The following AGAP1 variants were observed in gnomAD, a reference collection of about 807,000 sequenced individuals.
AGAP1 encodes arf-GAP with GTPase, ANK repeat and PH domain-containing protein 1.
In AGAP1, 29 loss-of-function variants were observed where a neutral mutation model predicts 105.3. That is an observed-to-expected ratio of 0.28 (90% confidence interval 0.21 to 0.38). The LOEUF is 0.38. Among genes scored for constraint, AGAP1 ranks in the 10% least tolerant of loss-of-function variants. The pLI is 1.00. For synonymous variants in AGAP1, 509 were observed against 485.9 expected, an observed-to-expected ratio of 1.05 and a Z score of -0.63; for missense variants, 998 against 1,165.1, an observed-to-expected ratio of 0.86 and a Z score of 2.09.
Position 236,027,413 on chromosome 2 carries a change from G to A in AGAP1, c.1646-9148G>A, listed in dbSNP as rs189320962. On this transcript the variant is annotated intron_variant, in intron 13 of 17. Transcript: ENST00000304032. The surrounding 1 kb of genome is among the most constrained non-coding windows in gnomAD (Gnocchi z 4.4). ...AGGTCCAGCTGCTCGGACCCTTGTC[G>A]TAAATTTCAGGGCCTGAAAATCCAA... 2.6e-5 allele frequency among the ~76,000 whole-genome samples: 4 copies of A among 152,200 alleles called. No individual in the cohort carries two copies. Among genetic ancestry groups the A allele is most frequent in the African/African-American group, 9.6e-5 (4 of 41,526 alleles).
At position 236,120,480 on chromosome 2, in the gene AGAP1, G is replaced by A. The variant is rs2125976929; in HGVS notation, c.2370+33G>A. The A allele has an allele frequency of 1.2e-6, 2 of 1,609,062 alleles. No homozygotes were observed. The highest frequency in any genetic ancestry group is 1.1e-5 in the South Asian group (1 of 90,640). On this transcript the variant is annotated intron_variant, in intron 17 of 17. Transcript: ENST00000304032. The surrounding 1 kb of genome is among the most constrained non-coding windows in gnomAD (Gnocchi z 6.0). ...GTCGGCACGCCTGGCAGAGGACGGG[G>A]CCACAGGAGGCACTCTCTGCTTTGT...
At chr2:235,658,950 T>G (rs1947861457) in intron 1 of AGAP1, among the ~76,000 whole-genome samples, 1 of 152,338 alleles carries the variant, frequency 6.6e-6, no homozygotes, top group Non-Finnish European at 1.5e-5. Context: ...CTTTTCTCTC[T>G]GCCCTCCCTC....
chr2:235,583,092 C>T (rs1386693134), intron 1 of AGAP1, among the ~76,000 whole-genome samples: 2 of 152,214 alleles, frequency 1.3e-5, no homozygotes, highest in Non-Finnish European at 2.9e-5. Flanking sequence ...AGGGAAAAGC[C>T]AGAAGCCAGG....
chr2:235,521,738 ATATATGTGTGTGTGTGTGTG>A (rs1332883297), intron 1 of AGAP1, among the ~76,000 whole-genome samples: 2 of 116,680 alleles, frequency 1.7e-5, no homozygotes, highest in Non-Finnish European at 3.3e-5. Flanking sequence ...TGTTTGTTAT[ATATATGTGTGTGTGTGTGTG>A]TGTGTGTGTG....
chr2:235,727,479 GGTAA>G (rs1329528489), intron 3 of AGAP1, among the ~76,000 whole-genome samples: 3 of 152,176 alleles, frequency 2.0e-5, no homozygotes, highest in African/African-American at 4.8e-5. Flanking sequence ...AGCTACCTCT[GGTAA>G]GTGTCTCCTT....
In AGAP1 at chr2:236,125,104, T is replaced by G. The variant is rs982008636; in HGVS notation, c.*982T>G. 2.4e-5 allele frequency: 4 copies of G among 164,610 alleles called. No homozygotes were observed. The highest frequency in any genetic ancestry group is 9.6e-5 in the African/African-American group (4 of 41,470). The allele number at this position is 164,610 out of a possible 1,614,324, so 10.2% of individuals were successfully genotyped here. A position where few individuals can be genotyped will look rare whatever the true frequency, so the allele number is the denominator to read the frequency against. Reference sequence around the variant, plus strand: ...TACACAAAAGGCTGTTTTTTCCGACTGTAAGAGATATTTGATGTCCTTTTG... The same window carrying G: ...TACACAAAAGGCTGTTTTTTCCGACGGTAAGAGATATTTGATGTCCTTTTG... On this transcript the variant is annotated 3_prime_UTR_variant, in exon 18 of 18. Transcript: ENST00000304032. The surrounding 1 kb of genome is among the most constrained non-coding windows in gnomAD (Gnocchi z 5.2).
At chr2:235,772,335 C>A (rs1422990132) in intron 6 of AGAP1, among the ~76,000 whole-genome samples, 1 of 152,188 alleles carries the variant, frequency 6.6e-6, no homozygotes, top group African/African-American at 2.4e-5. Context: ...ACAAGCAGAG[C>A]TGATGCTTTA....
At chr2:235,760,030 A>G (rs560674429) in intron 6 of AGAP1, among the ~76,000 whole-genome samples, 1 of 152,310 alleles carries the variant, frequency 6.6e-6, no homozygotes, top group South Asian at 2.1e-4. Context: ...CTGATGAGAG[A>G]AGCTTCTGGC....
chr2:235,575,302 A>C (rs932196343), intron 1 of AGAP1, among the ~76,000 whole-genome samples: 5 of 152,242 alleles, frequency 3.3e-5, no homozygotes, highest in Non-Finnish European at 7.3e-5. Flanking sequence ...TATATGTTTT[A>C]ATGTGTATTA....
rs7598567 is a variant in AGAP1, at chr2:236,012,029, A to T, written c.1646-24532A>T. On this transcript the variant is annotated intron_variant, in intron 13 of 17. Transcript: ENST00000304032. The surrounding 1 kb of genome is among the most constrained non-coding windows in gnomAD (Gnocchi z 4.9). Reference sequence around the variant, plus strand: ...CTTCTAAACAAGGGAACTTAGAGCAATCAATGCCCCCGGAGACCGATGCAC... The same window carrying T: ...CTTCTAAACAAGGGAACTTAGAGCATTCAATGCCCCCGGAGACCGATGCAC... Among the ~76,000 whole-genome samples, 1 of 152,008 alleles carries T rather than the reference A, an allele frequency of 6.6e-6. No individual in the cohort carries two copies. Among genetic ancestry groups the T allele is most frequent in the Non-Finnish European group, 1.5e-5 (1 of 68,002 alleles).
In AGAP1 at chr2:235,971,472, G is replaced by A. The variant is rs1441654742; in HGVS notation, c.1645+2849G>A. Among the ~76,000 whole-genome samples, 3 of 152,096 alleles carry A rather than the reference G, an allele frequency of 2.0e-5. No homozygotes were observed. Among genetic ancestry groups the A allele is most frequent in the Non-Finnish European group, 4.4e-5 (3 of 68,014 alleles). ...TCCCAGCACTTTGGGAGGCTGAGGC[G>A]GGCGGATCACGAGGTCAGGAGATCG... On this transcript the variant is annotated intron_variant, in intron 13 of 17. Coordinates refer to ENST00000304032, the MANE Select transcript of AGAP1 (RefSeq NM_001037131.3). The surrounding 1 kb of genome is among the most constrained non-coding windows in gnomAD (Gnocchi z 4.8).
chr2:235,930,999 G>T lies in AGAP1; in HGVS notation c.1483+76G>T. The T allele has an allele frequency of 2.0e-6, 3 of 1,517,784 alleles. No homozygotes were observed. Among genetic ancestry groups the T allele is most frequent in the South Asian group, 2.6e-5 (2 of 78,412 alleles). The allele number at this position is 1,517,784 out of a possible 1,614,324, so 94.0% of individuals were successfully genotyped here. A position where few individuals can be genotyped will look rare whatever the true frequency, so the allele number is the denominator to read the frequency against. ...TTGTAAGCCAGGGGCTGGACAGGAC[G>T]CCCTAAGCTCTCATGCTCCTCTGGG... On this transcript the variant is annotated intron_variant, in intron 12 of 17. Coordinates refer to ENST00000304032, the MANE Select transcript of AGAP1 (RefSeq NM_001037131.3). This position sits in a 1 kb window ranked among gnomAD's most constrained non-coding sequence, Gnocchi z 7.9.
chr2:235,925,280 T>A (rs189958926), intron 11 of AGAP1, among the ~76,000 whole-genome samples: 1 of 152,256 alleles, frequency 6.6e-6, no homozygotes, highest in East Asian at 1.9e-4. Context: ...TCTAGGGAAA[T>A]ACAGACATGC....
intron 11 of AGAP1, among the ~76,000 whole-genome samples, chr2:235,924,388 C>T (rs1203593524): frequency 2.0e-5 from 3 of 152,124 alleles, no homozygotes; most frequent in South Asian, 2.1e-4. Flanking sequence ...CTGCTGTATA[C>T]CTTCTACTAG....
intron 9 of AGAP1, among the ~76,000 whole-genome samples, chr2:235,837,344 G>A (rs1219101617): frequency 6.6e-6 from 1 of 152,168 alleles, no homozygotes. Context: ...TTACATTAAA[G>A]TAATACTGAG....
chr2:235,738,030 A>C (rs567020467), intron 3 of AGAP1, among the ~76,000 whole-genome samples: 5 of 152,170 alleles, frequency 3.3e-5, no homozygotes, highest in Middle Eastern at 3.4e-3. Context: ...ACAGAGGAGC[A>C]CATGTGGGGC....
chr2:235,633,179 A>T lies in AGAP1; in HGVS notation c.164-76000A>T, dbSNP rs529773423. Among the ~76,000 whole-genome samples, 2 of 152,186 alleles carry T rather than the reference A, an allele frequency of 1.3e-5. No homozygotes were observed. Among genetic ancestry groups the T allele is most frequent in the Admixed American group, 1.3e-4 (2 of 15,282 alleles). ...GAGAAAAGCATTATACATTTACTTG[A>T]TCCTGGTTTTACGGCATGCGGGAGC... On this transcript the variant is annotated intron_variant, in intron 1 of 17. Transcript: ENST00000304032. This position sits in a 1 kb window ranked among gnomAD's most constrained non-coding sequence, Gnocchi z 4.8.
chr2:236,087,476 C>T lies in AGAP1; in HGVS notation c.2115-32716C>T, dbSNP rs1347633491. Reference sequence around the variant, plus strand: ...CTACCACACCATCTTCCCGAGAGAGCCTGTGCCCGCCCCACAGTCCCGGCT... The same window carrying T: ...CTACCACACCATCTTCCCGAGAGAGTCTGTGCCCGCCCCACAGTCCCGGCT... On this transcript the variant is annotated intron_variant, in intron 16 of 17. Transcript: ENST00000304032. This position sits in a 1 kb window ranked among gnomAD's most constrained non-coding sequence, Gnocchi z 5.7. Among the ~76,000 whole-genome samples the T allele has an allele frequency of 2.0e-5, 3 of 152,190 alleles. No homozygotes were observed. Among genetic ancestry groups the T allele is most frequent in the African/African-American group, 7.2e-5 (3 of 41,440 alleles).
Position 235,740,867 on chromosome 2 carries a change from C to T in AGAP1, c.311-96C>T. ...TACTCAGTTGCCTCCAGGGCGACAG[C>T]CTAGGGTGTATTTTTCCACAAGCGA... On this transcript the variant is annotated intron_variant, in intron 3 of 17. Coordinates refer to ENST00000304032, the MANE Select transcript of AGAP1 (RefSeq NM_001037131.3). This position sits in a 1 kb window ranked among gnomAD's most constrained non-coding sequence, Gnocchi z 5.7. 1.4e-6 allele frequency: 2 copies of T among 1,475,196 alleles called. No homozygotes were observed. The highest frequency in any genetic ancestry group is 1.9e-6 in the Non-Finnish European group (2 of 1,062,518). 91.4% of individuals were successfully genotyped at this position (1,475,196 alleles called of 1,614,324 possible). A position where few individuals can be genotyped will look rare whatever the true frequency, so the allele number is the denominator to read the frequency against.
Sources: gnomAD v4.1 joint callset for allele counts (sites outside exome capture counted in the v4.1 genomes callset) on GRCh38, gnomAD v4.1.1 for gene constraint, Gnocchi (gnomAD v3.1) non-coding constraint, MANE v1.5 for transcripts, NCBI Gene and HGNC (gene_info 2026-07-23, HGNC 2026-07-21) for gene names.